Variants in LRP1B observed in about 807,000 individuals in gnomAD.
LRP1B encodes LDL receptor related protein 1B.
A neutral mutation model predicts 556.6 loss-of-function variants in LRP1B; 217 were observed. The observed-to-expected ratio is 0.39, with a 90% confidence interval of 0.35 to 0.44. The LOEUF is 0.44. Among genes scored for constraint, LRP1B ranks in the 20% least tolerant of loss-of-function variants. The probability of loss-of-function intolerance (pLI) is 1.00; values close to 1 mark genes in which losing one functional copy is unlikely to be tolerated. For missense variants in LRP1B, 5,053 were observed against 5,620.8 expected, an observed-to-expected ratio of 0.90 and a Z score of 3.23; for synonymous variants, 2,047 against 1,865.8, an observed-to-expected ratio of 1.10 and a Z score of -2.50.
chr2:141,754,332 T>G (rs1017064110), intron 2 of LRP1B, among the ~76,000 whole-genome samples: 1 of 152,148 alleles, frequency 6.6e-6, no homozygotes, highest in African/African-American at 2.4e-5. Flanking sequence ...GGTGAGCAAG[T>G]TACTCACTTT....
chr2:140,388,134 G>A (rs913101325), intron 66 of LRP1B, among the ~76,000 whole-genome samples: 10 of 151,804 alleles, frequency 6.6e-5, no homozygotes, highest in African/African-American at 1.2e-4. Flanking sequence ...ACAGGGTTTC[G>A]CCATGTAGGC....
intron 9 of LRP1B, among the ~76,000 whole-genome samples, chr2:141,056,879 T>C (rs1472717454): frequency 6.6e-6 from 1 of 151,914 alleles, no homozygotes; most frequent in African/African-American, 2.4e-5. Flanking sequence ...AAGTAACTCA[T>C]GAAAATTAAA....
chr2:141,022,386 G>A (rs6429856), intron 11 of LRP1B, among the ~76,000 whole-genome samples: 84,249 of 151,532 alleles, frequency 0.56, 23,908 homozygotes, highest in Admixed American at 0.64. Context: ...AATCTTTTTA[G>A]GTTATCTTTA....
intron 2 of LRP1B, among the ~76,000 whole-genome samples, chr2:141,500,433 G>A (rs1379370000): frequency 2.6e-5 from 4 of 152,058 alleles, no homozygotes; most frequent in Admixed American, 1.3e-4. Context: ...GCAGGCCCCG[G>A]TTACTAAGCT....
At chr2:140,429,432 C>T (rs966141585) in intron 66 of LRP1B, among the ~76,000 whole-genome samples, 1 of 152,146 alleles carries the variant, frequency 6.6e-6, no homozygotes, top group East Asian at 1.9e-4. Context: ...ATCCCAGCCT[C>T]TCTTCGCTTT....
rs568796351 is a variant in LRP1B at position 140,454,726 on chromosome 2, A to C, written c.9963+1729T>G. ...AGGTTTTCATTTATTTGACTAATCT[A>C]ATTTGTTGGCATTGGATAAACAGTT... On this transcript the variant is annotated intron_variant, in intron 62 of 90. Coordinates refer to ENST00000389484, the MANE Select transcript of LRP1B (RefSeq NM_018557.3). 1.5e-3 allele frequency among the ~76,000 whole-genome samples: 234 copies of C among 152,222 alleles called. 1 individual carries two copies. Among genetic ancestry groups the C allele is most frequent in the African/African-American group, 5.2e-3 (214 of 41,552 alleles).
intron 2 of LRP1B, among the ~76,000 whole-genome samples, chr2:141,702,378 C>A (rs1330469129): frequency 1.3e-5 from 2 of 151,846 alleles, no homozygotes; most frequent in African/African-American, 2.4e-5. Flanking sequence ...ATAATGTAAC[C>A]GTTGTCCCCT....
intron 32 of LRP1B, among the ~76,000 whole-genome samples, chr2:140,788,555 G>T (rs1435704438): frequency 1.3e-5 from 2 of 152,082 alleles, no homozygotes; most frequent in Non-Finnish European, 2.9e-5. Context: ...TAGAGTAGGG[G>T]CAATACAATA....
In LRP1B at chr2:141,145,046, T is replaced by A. The variant is rs1701746541; in HGVS notation, c.1013+43375A>T. 3.3e-5 allele frequency among the ~76,000 whole-genome samples: 5 copies of A among 152,226 alleles called. No individual in the cohort carries two copies. In the South Asian group the frequency reaches 1.0e-3, roughly 31 times the overall value. On this transcript the variant is annotated intron_variant, in intron 7 of 90. Transcript: ENST00000389484. ...TATCTCGAAAGAGAACCCAAGCTCTTTTCTAACTTATACAAGTGATTTCTT... is the reference window on the plus strand; with the variant it reads ...TATCTCGAAAGAGAACCCAAGCTCTATTCTAACTTATACAAGTGATTTCTT...
In LRP1B at chr2:140,466,001, G is replaced by T. The variant is rs1250952838; in HGVS notation, c.9626-8350C>A. On this transcript the variant is annotated intron_variant, in intron 60 of 90. Transcript: ENST00000389484. Reference sequence around the variant, plus strand: ...TGTTTGTAATGGACTGTGAATGATAGAATTTTTTTTTCAAAAGTACTAAAA... The same window carrying T: ...TGTTTGTAATGGACTGTGAATGATATAATTTTTTTTTCAAAAGTACTAAAA... Among the ~76,000 whole-genome samples the T allele has an allele frequency of 2.0e-5, 3 of 151,230 alleles. No homozygotes were observed. In the East Asian group the frequency reaches 5.8e-4, roughly 29 times the overall value.
At chr2:141,972,872 G>C (rs1018528091) in intron 1 of LRP1B, among the ~76,000 whole-genome samples, 2 of 151,584 alleles carry the variant, frequency 1.3e-5, no homozygotes, top group African/African-American at 4.8e-5. Flanking sequence ...ATTTTAACAA[G>C]TTGTATTTTT....
At chr2:140,447,414 G>C (rs796931146) in intron 63 of LRP1B, among the ~76,000 whole-genome samples, 2 of 151,400 alleles carry the variant, frequency 1.3e-5, no homozygotes, top group African/African-American at 2.4e-5. Flanking sequence ...TGGTTTCCTA[G>C]TACACATAAA....
At chr2:141,000,769 T>C (rs188985651) in intron 15 of LRP1B, among the ~76,000 whole-genome samples, 4 of 152,248 alleles carry the variant, frequency 2.6e-5, no homozygotes, top group Admixed American at 6.5e-5. Context: ...TTTTACTTCC[T>C]AAGTTTTTTT....
At chr2:140,485,841 GCACATACA>G (rs922779136) in intron 58 of LRP1B, among the ~76,000 whole-genome samples, 13 of 54,796 alleles carry the variant, frequency 2.4e-4, no homozygotes, top group African/African-American at 7.2e-4. Flanking sequence ...AAATTCTCAC[GCACATACA>G]CACACACACA....
intron 13 of LRP1B, 142 bp downstream of exon 13, chr2:141,015,554 C>T (rs932623591): frequency 1.5e-6 from 1 of 667,054 alleles, no homozygotes; most frequent in East Asian, 2.7e-5. Flanking sequence ...AATGCTCAGC[C>T]TGCTTCAGCC....
At chr2:141,811,568 T>C (rs910927080) in intron 1 of LRP1B, among the ~76,000 whole-genome samples, 1 of 152,108 alleles carries the variant, frequency 6.6e-6, no homozygotes, top group African/African-American at 2.4e-5. Context: ...TAAATATGCA[T>C]TGCAAACACA....
intron 3 of LRP1B, among the ~76,000 whole-genome samples, chr2:141,372,822 T>A (rs1426612231): frequency 6.6e-6 from 1 of 152,178 alleles, no homozygotes; most frequent in African/African-American, 2.4e-5. Context: ...AGAACCAACT[T>A]CTTATTTTGT....
chr2:140,394,791 A>G (rs963696404), intron 66 of LRP1B, among the ~76,000 whole-genome samples: 1 of 152,160 alleles, frequency 6.6e-6, no homozygotes, highest in Non-Finnish European at 1.5e-5. Flanking sequence ...AGGAAGGTCA[A>G]TGAAAGTTGT....
intron 7 of LRP1B, among the ~76,000 whole-genome samples, chr2:141,102,309 T>G (rs561338811): frequency 1.3e-5 from 2 of 152,250 alleles, no homozygotes; most frequent in South Asian, 4.1e-4. Context: ...AACATAAACT[T>G]GTATTTAGAC....
Sources: gnomAD v4.1 joint callset for allele counts (sites outside exome capture counted in the v4.1 genomes callset) on GRCh38, gnomAD v4.1.1 for gene constraint, MANE v1.5 for transcripts, NCBI Gene and HGNC (gene_info 2026-07-23, HGNC 2026-07-21) for gene names.